The following DAAM1 variants were observed in gnomAD, a reference collection of about 807,000 sequenced individuals.
DAAM1 encodes disheveled-associated activator of morphogenesis 1.
Under a neutral mutation model 130.0 loss-of-function variants are expected in DAAM1, and 52 were observed. That is an observed-to-expected ratio of 0.40 (90% CI 0.32 to 0.50). The LOEUF (loss-of-function observed/expected upper bound fraction) is 0.50. Ranked by LOEUF, DAAM1 falls within the 20% of genes least tolerant of loss-of-function variation. The pLI, the probability that DAAM1 is intolerant of heterozygous loss-of-function variation, is 0.61. For missense variants in DAAM1, 1,134 were observed against 1,303.8 expected (o/e 0.87, Z 2.01); for synonymous variants, 452 against 444.5 (o/e 1.02, Z -0.21).
At chr14:59,326,823 T>C in intron 11 of DAAM1, 110 bp from the exon 12 acceptor site, 1 of 1,526,950 alleles carries the variant, frequency 6.5e-7, no homozygotes, top group Non-Finnish European at 9.0e-7. Context: ...GTTTCAAGCA[T>C]GCACTGAGGA....
In DAAM1 at chr14:59,201,200, G is replaced by C. The variant is rs560309286; in HGVS notation, c.-38+12432G>C. 7.4e-5 allele frequency among the ~76,000 whole-genome samples: 11 copies of C among 148,332 alleles called. No homozygotes were observed. In the South Asian group the frequency reaches 2.4e-3, roughly 32 times the overall value. ...AAAAAAAAAATCCTCAGGTGATTCT[G>C]ACATTCAACAAAAGGGGAAAATAGG... On this transcript the variant is annotated intron_variant, in intron 1 of 24. Transcript: ENST00000360909.
intron 1 of DAAM1, among the ~76,000 whole-genome samples, chr14:59,219,897 C>T (rs749043836): frequency 6.6e-6 from 1 of 152,198 alleles, no homozygotes; most frequent in Non-Finnish European, 1.5e-5. Context: ...TCATTCTTAG[C>T]TGTGGTCCAA....
intron 3 of DAAM1, chr14:59,299,567 G>A (rs1222332824): frequency 1.3e-5 from 2 of 152,130 alleles, no homozygotes; most frequent in African/African-American, 4.8e-5. Flanking sequence ...GAGTGATGTT[G>A]ATGTCTGGTT....
intron 20 of DAAM1, among the ~76,000 whole-genome samples, chr14:59,357,625 A>G (rs1345812318): frequency 6.6e-6 from 1 of 152,164 alleles, no homozygotes; most frequent in Non-Finnish European, 1.5e-5. Context: ...ACAAATAGAA[A>G]AAGTTATCCA....
chr14:59,364,001 T>C (rs1886816247), intron 23 of DAAM1, among the ~76,000 whole-genome samples: 1 of 152,202 alleles, frequency 6.6e-6, no homozygotes, highest in African/African-American at 2.4e-5. Flanking sequence ...CACACCCTTT[T>C]TGTCTGACTG....
intron 21 of DAAM1, among the ~76,000 whole-genome samples, chr14:59,360,304 A>T (rs1360066579): frequency 6.6e-6 from 1 of 152,248 alleles, no homozygotes; most frequent in Non-Finnish European, 1.5e-5. Flanking sequence ...TAGTTAATAC[A>T]ACTTTAAGAA....
intron 3 of DAAM1, among the ~76,000 whole-genome samples, chr14:59,300,587 G>A (rs1884132381): frequency 6.6e-6 from 1 of 151,982 alleles, no homozygotes; most frequent in South Asian, 2.1e-4. Context: ...ATACAAAAAA[G>A]TACAGAATAT....
chr14:59,353,859 C>T lies in DAAM1; in HGVS notation c.2268-17C>T. The T allele has an allele frequency of 6.2e-7, 1 of 1,610,716 alleles. No homozygotes were observed. The highest frequency in any genetic ancestry group is 8.5e-7 in the Non-Finnish European group (1 of 1,177,526). ...TATATTAAATGAATATCAATTAGTA[C>T]ATGTTTGCTCTTACAGAATTAATCA... On this transcript the variant is annotated splice_polypyrimidine_tract_variant and intron_variant, in intron 18 of 24. Coordinates refer to ENST00000360909, the MANE Select transcript of DAAM1 (RefSeq NM_001270520.2).
chr14:59,308,640 C>G (rs941616389), intron 3 of DAAM1, among the ~76,000 whole-genome samples: 2 of 152,126 alleles, frequency 1.3e-5, no homozygotes, highest in Admixed American at 1.3e-4. Context: ...AAACTCAGCC[C>G]AGGTTGTCTC....
Position 59,191,198 on chromosome 14 carries a change from G to T in DAAM1, c.-38+2430G>T, listed in dbSNP as rs557513086. ...AGGTAAATGCTTGGGATTGCTGTGT[G>T]CTTGGTGGTTGACACTTACGATCTT... On this transcript the variant is annotated intron_variant, in intron 1 of 24. Transcript: ENST00000360909. Among the ~76,000 whole-genome samples, 279 of 152,248 alleles carry T rather than the reference G, an allele frequency of 1.8e-3. 2 individuals are homozygous for T. Among genetic ancestry groups the T allele is most frequent in the Non-Finnish European group, 3.1e-3 (210 of 68,026 alleles).
At chr14:59,282,676 G>T (rs1024481148) in intron 2 of DAAM1, among the ~76,000 whole-genome samples, 1 of 152,152 alleles carries the variant, frequency 6.6e-6, no homozygotes, top group Non-Finnish European at 1.5e-5. Context: ...CTGTTTACCA[G>T]CTTTGTTGCC....
chr14:59,319,921 AACAC>A lies in DAAM1; in HGVS notation c.346-548_346-545del, dbSNP rs10566854. On this transcript the variant is annotated intron_variant, in intron 4 of 24. Coordinates refer to ENST00000360909, the MANE Select transcript of DAAM1 (RefSeq NM_001270520.2). Reference sequence around the variant, plus strand: ...CTGCTCTAGCAGATCCCTGGGTAGAAACACACACACACACACACACACACTCACT... The same window carrying A: ...CTGCTCTAGCAGATCCCTGGGTAGAAACACACACACACACACACACTCACT... Among the ~76,000 whole-genome samples the A allele has an allele frequency of 2.8e-3, 416 of 149,494 alleles. 1 individual carries two copies. Among genetic ancestry groups the A allele is most frequent in the African/African-American group, 8.4e-3 (343 of 40,948 alleles).
chr14:59,244,255 T>A (rs75731714), intron 1 of DAAM1, among the ~76,000 whole-genome samples: 1 of 151,752 alleles, frequency 6.6e-6, no homozygotes. Flanking sequence ...TTTTTTTTTT[T>A]AATAAATTGC....
intron 2 of DAAM1, among the ~76,000 whole-genome samples, chr14:59,277,103 T>C (rs1478488721): frequency 6.6e-6 from 1 of 152,216 alleles, no homozygotes. Flanking sequence ...GCTTTAGATA[T>C]TGCTTTAGAG....
chr14:59,347,759 G>GTTC, intron 17 of DAAM1, 136 bp downstream of exon 17: 1 of 768,144 alleles, frequency 1.3e-6, no homozygotes, highest in African/African-American at 1.8e-5. Flanking sequence ...AAGTTCCCAT[G>GTTC]TGACTCTGTT....
intron 1 of DAAM1, among the ~76,000 whole-genome samples, chr14:59,203,158 A>ATTTTTTT (rs57437992): frequency 6.9e-4 from 75 of 108,024 alleles, no homozygotes; most frequent in South Asian, 9.5e-4. Flanking sequence ...CTTCTGGCTA[A>ATTTTTTT]TTTTTTTTTT....
rs557074622 is a variant in DAAM1, at chr14:59,347,738, G to A, written c.2160+115G>A. The A allele has an allele frequency of 3.2e-4, 320 of 998,862 alleles. 1 individual carries two copies. The highest frequency in any genetic ancestry group is 8.4e-4 in the Middle Eastern group (4 of 4,790). The allele number at this position is 998,862 out of a possible 1,614,324, so 61.9% of individuals were successfully genotyped here. A position where few individuals can be genotyped will look rare whatever the true frequency, so the allele number is the denominator to read the frequency against. Reference sequence around the variant, plus strand: ...ATCATTTCCTCATCTATGAATTGAGGAGGCTGAACCAAGTTCCCATGTGAC... The same window carrying A: ...ATCATTTCCTCATCTATGAATTGAGAAGGCTGAACCAAGTTCCCATGTGAC... On this transcript the variant is annotated intron_variant, in intron 17 of 24. Transcript: ENST00000360909.
intron 1 of DAAM1, among the ~76,000 whole-genome samples, chr14:59,241,011 C>CTG (rs1881091906): frequency 1.3e-5 from 2 of 152,138 alleles, no homozygotes; most frequent in African/African-American, 4.8e-5. Flanking sequence ...TAATATTTTA[C>CTG]TGTGTGTGTG....
At chr14:59,259,192 G>A (rs774856767) in intron 1 of DAAM1, among the ~76,000 whole-genome samples, 2 of 152,118 alleles carry the variant, frequency 1.3e-5, no homozygotes, top group Non-Finnish European at 2.9e-5. Flanking sequence ...ACCTCTGTGT[G>A]CAAAACACTA....
Sources: gnomAD v4.1 joint callset for allele counts (sites outside exome capture counted in the v4.1 genomes callset) on GRCh38, gnomAD v4.1.1 for gene constraint, MANE v1.5 for transcripts, NCBI Gene and HGNC (gene_info 2026-07-23, HGNC 2026-07-21) for gene names.